Variants in ME3 observed in about 807,000 individuals in gnomAD.
ME3 encodes NADP-dependent malic enzyme, mitochondrial.
In ME3, 48 loss-of-function variants were observed where a neutral mutation model predicts 68.9. The observed-to-expected ratio is 0.70, with a 90% CI of 0.55 to 0.89. The LOEUF (loss-of-function observed/expected upper bound fraction) is 0.89. Ranked by LOEUF, ME3 falls within the 40% of genes least tolerant of loss-of-function variation. The pLI, the probability that ME3 is intolerant of heterozygous loss-of-function variation, is 0.00. For missense variants in ME3, 675 were observed against 797.4 expected, an observed-to-expected ratio of 0.85 and a Z score of 1.85; for synonymous variants, 320 against 318.8, an observed-to-expected ratio of 1.00 and a Z score of -0.04.
At position 86,638,431 on chromosome 11, in the gene ME3, C is replaced by CAA. The variant is rs5793206; in HGVS notation, c.183+33329_183+33330dup. Among the ~76,000 whole-genome samples, 47 of 150,460 alleles carry CAA rather than the reference C, an allele frequency of 3.1e-4. No homozygotes were observed. The East Asian group carries it at 6.1e-3, about 19-fold the overall frequency. ...ACTATTGATTTTTCATATACAAATG[C>CAA]AAAAAAAAATCACAACCACAGCACA... On this transcript the variant is annotated intron_variant, in intron 2 of 14. Transcript: ENST00000543262.
chr11:86,638,078 A>G (rs1944456898), intron 2 of ME3, among the ~76,000 whole-genome samples: 1 of 151,756 alleles, frequency 6.6e-6, no homozygotes, highest in African/African-American at 2.4e-5. Flanking sequence ...TTCCCACAGG[A>G]GCCCCCCAGG....
At chr11:86,466,965 C>A (rs1950512805) in intron 7 of ME3, among the ~76,000 whole-genome samples, 1 of 152,220 alleles carries the variant, frequency 6.6e-6, no homozygotes, top group Non-Finnish European at 1.5e-5. Context: ...ATCTGCCTGG[C>A]TAACATCTGT....
downstream of ME3, among the ~76,000 whole-genome samples, chr11:86,439,870 C>T (rs937904274): frequency 6.6e-6 from 1 of 152,168 alleles, no homozygotes; most frequent in Non-Finnish European, 1.5e-5. Flanking sequence ...GTGTCAAAAA[C>T]TCCATGGTGT....
chr11:86,588,016 C>T (rs1035285213), intron 2 of ME3, among the ~76,000 whole-genome samples: 10 of 152,198 alleles, frequency 6.6e-5, no homozygotes, highest in Admixed American at 6.5e-4. Flanking sequence ...GCTAATAATA[C>T]TAATTCCACA....
intron 7 of ME3, among the ~76,000 whole-genome samples, chr11:86,466,014 T>C (rs1367451629): frequency 6.6e-6 from 1 of 152,220 alleles, no homozygotes; most frequent in Non-Finnish European, 1.5e-5. Context: ...ATGCTTGATA[T>C]GCCTTATTTA....
chr11:86,544,771 C>A (rs1262977371), intron 4 of ME3, among the ~76,000 whole-genome samples: 2 of 152,158 alleles, frequency 1.3e-5, no homozygotes, highest in Non-Finnish European at 2.9e-5. Flanking sequence ...CTATTCCAAA[C>A]AATAGAAAGA....
chr11:86,635,209 T>TA (rs1177343013), intron 2 of ME3, among the ~76,000 whole-genome samples: 1 of 152,200 alleles, frequency 6.6e-6, no homozygotes, highest in Non-Finnish European at 1.5e-5. Flanking sequence ...GAGGATCACT[T>TA]GAGCCTTGGC....
chr11:86,450,386 A>G (rs1401235541), exon 9 of ME3: 1 of 1,613,982 alleles, frequency 6.2e-7, no homozygotes, highest in African/African-American at 1.3e-5. Context: ...TGCCACAGCA[A>G]CGGAGGCTGT....
chr11:86,606,252 G>A (rs1042865037), intron 2 of ME3, among the ~76,000 whole-genome samples: 5 of 152,136 alleles, frequency 3.3e-5, no homozygotes, highest in Admixed American at 6.6e-5. Context: ...ACTGAGGCTC[G>A]GAGAGGTCAC....
chr11:86,439,873 C>T (rs1948925676), downstream of ME3, among the ~76,000 whole-genome samples: 1 of 152,138 alleles, frequency 6.6e-6, no homozygotes, highest in Non-Finnish European at 1.5e-5. Flanking sequence ...TCAAAAACTC[C>T]ATGGTGTTCA....
chr11:86,634,100 T>C (rs532612418), intron 2 of ME3, among the ~76,000 whole-genome samples: 3 of 152,208 alleles, frequency 2.0e-5, no homozygotes, highest in African/African-American at 7.2e-5. Context: ...AACAGCCATT[T>C]TGGGCATGAG....
intron 2 of ME3, among the ~76,000 whole-genome samples, chr11:86,631,355 A>G (rs1944003024): frequency 6.6e-6 from 1 of 152,176 alleles, no homozygotes; most frequent in African/African-American, 2.4e-5. Context: ...TAGAAAAGTT[A>G]CAGATCTAAG....
chr11:86,487,288 G>A (rs747378268), intron 7 of ME3, 49 bp downstream of exon 7: 7 of 1,465,200 alleles, frequency 4.8e-6, no homozygotes, highest in South Asian at 3.4e-5. Flanking sequence ...CTTTAGTCAC[G>A]GCATCTCTTA....
In ME3 at chr11:86,552,678, T is replaced by G. The variant is rs1956752657; in HGVS notation, c.467+3875A>C. On this transcript the variant is annotated intron_variant, in intron 4 of 14. Coordinates refer to ENST00000543262, the Ensembl canonical transcript of ME3. ...GAGTTGAGTCCAATCTCTCCCTCAC[T>G]GCAAGACTCCTCTGCCATAGTTCAA... is the stretch of plus-strand genomic sequence containing the variant. 2.6e-5 allele frequency among the ~76,000 whole-genome samples: 4 copies of G among 152,318 alleles called. 1 individual carries two copies. In the South Asian group the frequency reaches 6.2e-4, roughly 24 times the overall value.
At chr11:86,502,649 C>A (rs1455038799) in intron 5 of ME3, among the ~76,000 whole-genome samples, 1 of 152,200 alleles carries the variant, frequency 6.6e-6, no homozygotes. Flanking sequence ...GAGGGCAAAC[C>A]TGGGCAGCAT....
intron 2 of ME3, among the ~76,000 whole-genome samples, chr11:86,607,771 A>T (rs1437857703): frequency 6.6e-6 from 1 of 151,858 alleles, no homozygotes; most frequent in East Asian, 1.9e-4. Context: ...TTGATCTCGC[A>T]GTGAACTCTC....
intron 5 of ME3, 59 bp downstream of exon 5, chr11:86,508,733 G>C: frequency 7.4e-6 from 11 of 1,484,412 alleles, no homozygotes; most frequent in Non-Finnish European, 1.0e-5. Context: ...AATGACTCTG[G>C]TTTAGGCTGA....
chr11:86,661,892 C>T (rs566008563), intron 2 of ME3, among the ~76,000 whole-genome samples: 14 of 151,198 alleles, frequency 9.3e-5, no homozygotes, highest in African/African-American at 2.7e-4. Flanking sequence ...GTATTGACCA[C>T]GGTGTCTCCA....
intron 14 of ME3, among the ~76,000 whole-genome samples, chr11:86,442,377 C>A (rs890397262): frequency 1.3e-5 from 2 of 152,192 alleles, no homozygotes; most frequent in Non-Finnish European, 2.9e-5. Flanking sequence ...TGAGGAACTA[C>A]TGGCCCTTTG....
Sources: gnomAD v4.1 joint callset for allele counts (sites outside exome capture counted in the v4.1 genomes callset) on GRCh38, gnomAD v4.1.1 for gene constraint, MANE v1.5 for transcripts, NCBI Gene and HGNC (gene_info 2026-07-23, HGNC 2026-07-21) for gene names.